ASIC2: variants seen among roughly 807,000 people sequenced by gnomAD.
ASIC2 encodes the protein acid-sensing ion channel 2.
ASIC2 carries 25 observed loss-of-function variants against 57.3 expected under a neutral mutation model. That is an observed-to-expected ratio of 0.44 (90% CI 0.32 to 0.61). The LOEUF is 0.61. Among genes scored for constraint, ASIC2 ranks in the 20% least tolerant of loss-of-function variants. The probability of loss-of-function intolerance (pLI) is 0.06; values close to 1 mark genes in which losing one functional copy is unlikely to be tolerated. For missense variants in ASIC2, 641 were observed against 738.1 expected (o/e 0.87, Z 1.52); for synonymous variants, 319 against 307.5 (o/e 1.04, Z -0.39).
intron 1 of ASIC2, among the ~76,000 whole-genome samples, chr17:33,945,505 G>A (rs1179762629): frequency 6.6e-6 from 1 of 152,084 alleles, no homozygotes; most frequent in Non-Finnish European, 1.5e-5. Flanking sequence ...TGGGAGAATG[G>A]GCAGCAATGT....
At chr17:33,098,585 C>T (rs537399949) in intron 2 of ASIC2, among the ~76,000 whole-genome samples, 1 of 152,158 alleles carries the variant, frequency 6.6e-6, no homozygotes. Context: ...GGCTGGTGAT[C>T]CAGGAGATGC....
chr17:33,998,558 T>G (rs887540421), intron 1 of ASIC2, among the ~76,000 whole-genome samples: 1 of 152,144 alleles, frequency 6.6e-6, no homozygotes, highest in Non-Finnish European at 1.5e-5. Context: ...TAAGTTTTGG[T>G]ATGTTGTGTT....
intron 1 of ASIC2, among the ~76,000 whole-genome samples, chr17:33,448,153 G>A (rs919406722): frequency 6.6e-6 from 1 of 152,076 alleles, no homozygotes; most frequent in Non-Finnish European, 1.5e-5. Flanking sequence ...TGTCCTCTCT[G>A]ACTCTTGCCT....
At chr17:33,940,843 G>A (rs1334398230) in intron 1 of ASIC2, among the ~76,000 whole-genome samples, 6 of 152,222 alleles carry the variant, frequency 3.9e-5, no homozygotes, top group Non-Finnish European at 8.8e-5. Flanking sequence ...AAGGATGGTG[G>A]TGATGCACTG....
intron 1 of ASIC2, among the ~76,000 whole-genome samples, chr17:33,563,231 G>A (rs1916130236): frequency 6.6e-6 from 1 of 152,184 alleles, no homozygotes; most frequent in Non-Finnish European, 1.5e-5. Flanking sequence ...GACAAGAAGG[G>A]AAATGACATT....
intron 1 of ASIC2, among the ~76,000 whole-genome samples, chr17:33,650,583 C>T (rs1055244972): frequency 2.0e-5 from 3 of 152,164 alleles, no homozygotes; most frequent in African/African-American, 7.2e-5. Flanking sequence ...CTCAGATGTC[C>T]TAGAATGGAT....
At chr17:33,119,678 A>G (rs774294119) in intron 1 of ASIC2, among the ~76,000 whole-genome samples, 4 of 152,214 alleles carry the variant, frequency 2.6e-5, no homozygotes, top group South Asian at 4.1e-4. Context: ...TTGACCACCT[A>G]TCATGTTCTA....
At chr17:33,229,902 C>A (rs1394123859) in intron 1 of ASIC2, among the ~76,000 whole-genome samples, 1 of 152,228 alleles carries the variant, frequency 6.6e-6, no homozygotes, top group Admixed American at 6.5e-5. Context: ...CAGGCAACCA[C>A]TGGTGGGATT....
chr17:33,763,712 T>G (rs1346074590), intron 1 of ASIC2, among the ~76,000 whole-genome samples: 1 of 152,218 alleles, frequency 6.6e-6, no homozygotes, highest in Admixed American at 6.5e-5. Flanking sequence ...GGCTGCTCCT[T>G]CCTTCTGGGT....
chr17:33,202,497 G>T (rs1906907916), intron 1 of ASIC2, among the ~76,000 whole-genome samples: 3 of 152,214 alleles, frequency 2.0e-5, no homozygotes, highest in South Asian at 4.1e-4. Flanking sequence ...CCATCTGGGT[G>T]CACAGTGTGG....
intron 1 of ASIC2, among the ~76,000 whole-genome samples, chr17:33,670,447 G>A (rs1390091389): frequency 6.6e-6 from 1 of 152,308 alleles, no homozygotes; most frequent in African/African-American, 2.4e-5. Flanking sequence ...GAAAAAGTGA[G>A]AATTGCAAGC....
At position 33,209,053 on chromosome 17, in the gene ASIC2, G is replaced by A. The variant is rs917234382; in HGVS notation, c.708+82355C>T. On this transcript the variant is annotated intron_variant, in intron 1 of 9. Coordinates refer to ENST00000225823, the MANE Select transcript of ASIC2 (RefSeq NM_183377.2). Reference sequence around the variant, plus strand: ...ATCAGCTGCTTGTCTTTATGAGTTGGTGGCAGGTTATGTGAATGGCCCAAG... The same window carrying A: ...ATCAGCTGCTTGTCTTTATGAGTTGATGGCAGGTTATGTGAATGGCCCAAG... Among the ~76,000 whole-genome samples, 46 of 152,112 alleles carry A rather than the reference G, an allele frequency of 3.0e-4. 1 individual carries two copies. Among genetic ancestry groups the A allele is most frequent in the Non-Finnish European group, 3.5e-4 (24 of 68,020 alleles).
intron 1 of ASIC2, among the ~76,000 whole-genome samples, chr17:33,958,967 T>C (rs972880547): frequency 1.3e-5 from 2 of 152,148 alleles, no homozygotes; most frequent in Non-Finnish European, 2.9e-5. Context: ...TCCACAGATC[T>C]CTAGGGCAGG....
At chr17:34,088,654 G>C (rs1235374463) in intron 1 of ASIC2, among the ~76,000 whole-genome samples, 1 of 152,228 alleles carries the variant, frequency 6.6e-6, no homozygotes, top group Non-Finnish European at 1.5e-5. Flanking sequence ...AGCCTACAGA[G>C]GCAGGCAGGC....
At chr17:33,975,651 G>C (rs534183189) in intron 1 of ASIC2, among the ~76,000 whole-genome samples, 2 of 151,922 alleles carry the variant, frequency 1.3e-5, no homozygotes, top group African/African-American at 4.8e-5. Flanking sequence ...TGTTTGACTC[G>C]GCTGGAGACC....
At chr17:33,961,583 T>C (rs1904922676) in intron 1 of ASIC2, among the ~76,000 whole-genome samples, 1 of 149,998 alleles carries the variant, frequency 6.7e-6, no homozygotes, top group African/African-American at 2.5e-5. Flanking sequence ...AGGTGTTTAC[T>C]GTTTGGATTT....
intron 5 of ASIC2, among the ~76,000 whole-genome samples, chr17:33,025,668 C>A (rs768455258): frequency 7.2e-5 from 11 of 152,026 alleles, no homozygotes; most frequent in Non-Finnish European, 1.3e-4. Context: ...TCCATCTCCA[C>A]CTTCCATATC....
chr17:34,099,435 AAAAGAAAGAG>A (rs971584285), intron 1 of ASIC2, among the ~76,000 whole-genome samples: 11 of 129,846 alleles, frequency 8.5e-5, no homozygotes, highest in African/African-American at 3.0e-4. Flanking sequence ...AAGAAAGAAG[AAAAGAAAGAG>A]AAAGAAAGAA....
At chr17:34,047,536 CTG>C (rs532806286) in intron 1 of ASIC2, among the ~76,000 whole-genome samples, 263 of 129,926 alleles carry the variant, frequency 2.0e-3, no homozygotes, top group African/African-American at 7.1e-3. Flanking sequence ...AAAAAAAAGA[CTG>C]GAGTATATTG....
Sources: gnomAD v4.1 joint callset for allele counts (sites outside exome capture counted in the v4.1 genomes callset) on GRCh38, gnomAD v4.1.1 for gene constraint, MANE v1.5 for transcripts, NCBI Gene and HGNC (gene_info 2026-07-23, HGNC 2026-07-21) for gene names.